DMXL1: variants seen among roughly 807,000 people sequenced by gnomAD.
The protein encoded by DMXL1 is dmX-like protein 1.
In DMXL1, 99 loss-of-function variants were observed where a neutral mutation model predicts 319.2. That is an observed-to-expected ratio of 0.31 (90% confidence interval 0.26 to 0.37). The LOEUF (loss-of-function observed/expected upper bound fraction) is 0.37, where lower values mean the gene tolerates loss of function less well. Ranked by LOEUF, DMXL1 falls within the 10% of genes least tolerant of loss-of-function variation. The pLI, the probability that DMXL1 is intolerant of heterozygous loss-of-function variation, is 1.00. For missense variants in DMXL1, 3,745 were observed against 3,595.6 expected (o/e 1.04, Z -1.06); for synonymous variants, 1,385 against 1,235.2 (o/e 1.12, Z -2.54).
At chr5:119,179,389 T>A (rs1409218941) in intron 28 of DMXL1, among the ~76,000 whole-genome samples, 4 of 151,952 alleles carry the variant, frequency 2.6e-5, no homozygotes, top group Admixed American at 2.0e-4. Context: ...TTCATTCACT[T>A]CTTCCCTGAC....
At chr5:119,238,901 C>T in intron 40 of DMXL1, 88 bp from the exon 41 acceptor site, 1 of 1,540,668 alleles carries the variant, frequency 6.5e-7, no homozygotes, top group South Asian at 1.2e-5. Context: ...AAGCCAGAAA[C>T]TACATGATCA....
chr5:119,105,129 CAG>C (rs761272720), intron 3 of DMXL1, 49 bp from the exon 4 acceptor site: 20 of 1,170,442 alleles, frequency 1.7e-5, no homozygotes, highest in Non-Finnish European at 2.6e-5. Context: ...ACACATTTGA[CAG>C]AGAAAATATG....
chr5:119,212,366 T>C lies in DMXL1; in HGVS notation c.7927-4535T>C, dbSNP rs114021807. Among the ~76,000 whole-genome samples the C allele has an allele frequency of 9.2e-3, 1,396 of 152,346 alleles. 12 individuals are homozygous for C. Among genetic ancestry groups the C allele is most frequent in the Non-Finnish European group, 0.015 (1,025 of 68,024 alleles). ...GCATAATGTCTTTGAGGTTCATCCA[T>C]ATTTTAGCATGTGTCAGAATTTCCT... On this transcript the variant is annotated intron_variant, in intron 34 of 43. Transcript: ENST00000539542.
At position 119,149,876 on chromosome 5, in the gene DMXL1, T is replaced by C; in HGVS notation, c.4049T>C (p.Val1350Ala). The C allele has an allele frequency of 6.2e-7, 1 of 1,613,894 alleles. No individual in the cohort carries two copies. The highest frequency in any genetic ancestry group is 8.5e-7 in the Non-Finnish European group (1 of 1,179,908). ...RRAKAILSHLVKCIAGEVVAL... is the reference protein window; with the variant it reads ...RRAKAILSHLAKCIAGEVVAL... ...GCCAAGGCCATCTTGTCCCATCTTG[T>C]TAAGTGCATTGCTGGGGAAGTTGTG... The change falls in exon 18 of 44, where the codon GTT (valine) becomes GCT (alanine). Residue 1350 changes from valine to alanine, a missense_variant. Val to Ala is a moderately conservative substitution (Grantham distance 64). Transcript: ENST00000539542.
In DMXL1 at chr5:119,071,590, G is replaced by C. The variant is rs1429571596; in HGVS notation, c.21G>C (p.Leu7=). 8 of 1,605,568 alleles carry C rather than the reference G, an allele frequency of 5.0e-6. No individual in the cohort carries two copies. Among genetic ancestry groups the C allele is most frequent in the Non-Finnish European group, 6.0e-6 (7 of 1,176,468 alleles). The change falls in exon 1 of 44, where the codon CTG becomes CTC. Residue 7 remains leucine, a synonymous_variant. Transcript: ENST00000539542. MNLHQV[L]TGAVNPGDHC... ...CCGACATGAACCTGCACCAGGTGCT[G>C]ACCGGGGCTGTGAACCCTGGCGACC...
chr5:119,131,470 A>G (rs965014846), intron 10 of DMXL1, among the ~76,000 whole-genome samples: 2 of 152,302 alleles, frequency 1.3e-5, no homozygotes, highest in African/African-American at 2.4e-5. Flanking sequence ...CACCTAGAGG[A>G]TAACTAATGT....
intron 30 of DMXL1, among the ~76,000 whole-genome samples, chr5:119,195,924 T>A (rs1029034337): frequency 3.3e-5 from 5 of 152,220 alleles, no homozygotes; most frequent in Non-Finnish European, 5.9e-5. Context: ...TAACCACTTT[T>A]ATTAGCTTCT....
intron 7 of DMXL1, 58 bp from the exon 8 acceptor site, chr5:119,118,757 T>C (rs547531689): frequency 3.9e-5 from 52 of 1,328,764 alleles, no homozygotes; most frequent in Non-Finnish European, 5.4e-5. Flanking sequence ...CATCGTAGAA[T>C]TTCTGTGATA....
chr5:119,175,340 A>G lies in DMXL1; in HGVS notation c.6758+3A>G. 1 of 1,602,234 alleles carries G rather than the reference A, an allele frequency of 6.2e-7. No homozygotes were observed. Among genetic ancestry groups the G allele is most frequent in the South Asian group, 1.1e-5 (1 of 89,964 alleles). ...CTTTGTGGTAGTCATAACTACAGGT[A>G]ACTATCTTTTTATGAAATTTAAGAA... is the stretch of plus-strand genomic sequence containing the variant. On this transcript the variant is annotated splice_donor_region_variant and intron_variant, in intron 26 of 43. Transcript: ENST00000539542.
In DMXL1 at chr5:119,206,827, G is replaced by A; in HGVS notation, c.7864-7G>A. 6.6e-7 allele frequency: 1 copy of A among 1,505,454 alleles called. No individual in the cohort carries two copies. The highest frequency in any genetic ancestry group is 8.9e-7 in the Non-Finnish European group (1 of 1,126,104). The allele number at this position is 1,505,454 out of a possible 1,614,324, so 93.3% of individuals were successfully genotyped here. ...CTTTGTCATGTGGTTATTCTTTCTT[G>A]ATGAAGTCATTAGAGGACAACAGTG... On this transcript the variant is annotated splice_polypyrimidine_tract_variant and splice_region_variant and intron_variant, in intron 33 of 43. Transcript: ENST00000539542.
chr5:119,215,170 G>C (rs1420137188), intron 34 of DMXL1, among the ~76,000 whole-genome samples: 1 of 152,144 alleles, frequency 6.6e-6, no homozygotes, highest in Non-Finnish European at 1.5e-5. Context: ...TCCTAAGCAA[G>C]TTATACTTTA....
chr5:119,219,845 G>A (rs1283171350), intron 35 of DMXL1, among the ~76,000 whole-genome samples: 1 of 152,120 alleles, frequency 6.6e-6, no homozygotes, highest in Non-Finnish European at 1.5e-5. Flanking sequence ...TAGGATTATA[G>A]ACGTGAGCCA....
intron 1 of DMXL1, among the ~76,000 whole-genome samples, chr5:119,089,303 T>TGCA (rs1754146485): frequency 1.0e-5 from 1 of 98,034 alleles, no homozygotes; most frequent in African/African-American, 4.0e-5. Flanking sequence ...TTTTTTTTTT[T>TGCA]TTTTTTTTTT....
At chr5:119,210,952 C>A (rs1226130750) in intron 34 of DMXL1, among the ~76,000 whole-genome samples, 1 of 149,152 alleles carries the variant, frequency 6.7e-6, no homozygotes, top group Non-Finnish European at 1.5e-5. Context: ...TCTTTGCATT[C>A]CTACTTTGTT....
chr5:119,117,866 A>G (rs1000437394), intron 7 of DMXL1, among the ~76,000 whole-genome samples: 4 of 152,248 alleles, frequency 2.6e-5, no homozygotes, highest in East Asian at 3.8e-4. Context: ...CTACTAGACA[A>G]TATTTTGATT....
At chr5:119,072,646 T>C (rs2149645809) in intron 1 of DMXL1, among the ~76,000 whole-genome samples, 1 of 152,368 alleles carries the variant, frequency 6.6e-6, no homozygotes, top group South Asian at 2.1e-4. Context: ...TTCTCTGCTT[T>C]TAATTTTTCT....
chr5:119,161,805 A>AT (rs1362480755), intron 19 of DMXL1, among the ~76,000 whole-genome samples: 1 of 152,092 alleles, frequency 6.6e-6, no homozygotes, highest in Non-Finnish European at 1.5e-5. Flanking sequence ...GCCAGGTTGA[A>AT]TTTTTTACCA....
At position 119,233,324 on chromosome 5, in the gene DMXL1, C is replaced by T. The variant is rs1299663300; in HGVS notation, c.8339-16C>T. The T allele has an allele frequency of 6.3e-7, 1 of 1,591,476 alleles. No individual in the cohort carries two copies. ...TCTTGAAATAAATCTGCAATTTTTG[C>T]CCTCTTGTAATGCAGATCTGACAGG... is the stretch of plus-strand genomic sequence containing the variant. On this transcript the variant is annotated splice_polypyrimidine_tract_variant and intron_variant, in intron 38 of 43. Coordinates refer to ENST00000539542, the MANE Select transcript of DMXL1 (RefSeq NM_001290321.3).
At chr5:119,121,728 A>AC (rs1361350729) in intron 9 of DMXL1, among the ~76,000 whole-genome samples, 1 of 152,040 alleles carries the variant, frequency 6.6e-6, no homozygotes, top group African/African-American at 2.4e-5. Context: ...TCTTTTCCCC[A>AC]CCTTTCCACC....
Sources: gnomAD v4.1 joint callset for allele counts (sites outside exome capture counted in the v4.1 genomes callset) on GRCh38, gnomAD v4.1.1 for gene constraint, MANE v1.5 for transcripts, NCBI Gene and HGNC (gene_info 2026-07-23, HGNC 2026-07-21) for gene names.